The following WDR27 variants were observed in gnomAD, a reference collection of about 807,000 sequenced individuals.
The protein encoded by WDR27 is WD repeat domain 27, also known as WD repeat-containing protein 27.
Under a neutral mutation model 114.4 loss-of-function variants are expected in WDR27, and 100 were observed. That is an observed-to-expected ratio of 0.87 (90% CI 0.74 to 1.03). The LOEUF is 1.03. Among genes scored for constraint, WDR27 ranks in the 50% least tolerant of loss-of-function variants. The probability of loss-of-function intolerance (pLI) is 0.00; values close to 1 mark genes in which losing one functional copy is unlikely to be tolerated. For synonymous variants in WDR27, 449 were observed against 423.1 expected, an observed-to-expected ratio of 1.06 and a Z score of -0.75; for missense variants, 1,129 against 1,092.9, an observed-to-expected ratio of 1.03 and a Z score of -0.47.
At chr6:169,626,976 C>G (rs9371154) in intron 21 of WDR27, among the ~76,000 whole-genome samples, 14,232 of 152,184 alleles carry the variant, frequency 0.094, 1,725 homozygotes, top group East Asian at 0.58. Context: ...AGCAGCTGCC[C>G]TTCTCCTGAC....
chr6:169,505,522 C>T (rs746060176), intron 25 of WDR27, among the ~76,000 whole-genome samples: 3 of 54,744 alleles, frequency 5.5e-5, no homozygotes, highest in Non-Finnish European at 3.1e-4. Flanking sequence ...CCTAGGTTAT[C>T]TAACTTACTG....
intron 9 of WDR27, 87 bp downstream of exon 9, chr6:169,662,217 G>C (rs1316852292): frequency 6.7e-7 from 1 of 1,491,538 alleles, no homozygotes; most frequent in Non-Finnish European, 9.2e-7. Context: ...TTTTATCTCA[G>C]TCATTCTTAG....
At chr6:169,618,523 A>G (rs982689967) in intron 21 of WDR27, among the ~76,000 whole-genome samples, 1 of 151,748 alleles carries the variant, frequency 6.6e-6, no homozygotes, top group Non-Finnish European at 1.5e-5. Flanking sequence ...TGTTAATACA[A>G]TACTAAAATG....
chr6:169,649,624 C>T (rs1821721821), intron 14 of WDR27, among the ~76,000 whole-genome samples: 1 of 152,064 alleles, frequency 6.6e-6, no homozygotes, highest in African/African-American at 2.4e-5. Context: ...CACACAAAGC[C>T]TGACACTGAT....
chr6:169,491,791 G>T (rs965570180), intron 25 of WDR27, among the ~76,000 whole-genome samples: 8 of 152,128 alleles, frequency 5.3e-5, no homozygotes, highest in Non-Finnish European at 1.0e-4. Flanking sequence ...GTAGTTACAT[G>T]GCTAGATGTC....
intron 16 of WDR27, among the ~76,000 whole-genome samples, chr6:169,647,481 CAG>C (rs1308266720): frequency 6.6e-6 from 1 of 152,192 alleles, no homozygotes; most frequent in Admixed American, 6.5e-5. Flanking sequence ...GTCAGACAAA[CAG>C]AGCAAACCCC....
At chr6:169,524,954 CT>C (rs1794784047) in intron 25 of WDR27, among the ~76,000 whole-genome samples, 1 of 152,028 alleles carries the variant, frequency 6.6e-6, no homozygotes, top group Admixed American at 6.6e-5. Context: ...AGGTAGAAAG[CT>C]TTTGTACAGT....
chr6:169,574,523 C>T (rs747944359), intron 24 of WDR27, among the ~76,000 whole-genome samples: 7 of 152,190 alleles, frequency 4.6e-5, no homozygotes, highest in African/African-American at 7.2e-5. Context: ...CGGTGAGTGC[C>T]ACATCCGCCC....
chr6:169,518,528 G>T (rs2128060451), intron 25 of WDR27, among the ~76,000 whole-genome samples: 1 of 152,352 alleles, frequency 6.6e-6, no homozygotes, highest in East Asian at 1.9e-4. Context: ...GCTGGAGCTA[G>T]AATGGCCTAG....
At chr6:169,483,345 A>C (rs141359073) in intron 25 of WDR27, among the ~76,000 whole-genome samples, 276 of 152,346 alleles carry the variant, frequency 1.8e-3, no homozygotes, top group Non-Finnish European at 2.7e-3. Flanking sequence ...GGATGTTACC[A>C]CTAACACCAC....
intron 21 of WDR27, among the ~76,000 whole-genome samples, chr6:169,628,432 G>A (rs1815421174): frequency 6.6e-6 from 1 of 152,200 alleles, no homozygotes; most frequent in Non-Finnish European, 1.5e-5. Flanking sequence ...CGCTCTACCA[G>A]CAGGAACACA....
intron 25 of WDR27, among the ~76,000 whole-genome samples, chr6:169,510,643 A>C: frequency 1.0e-5 from 1 of 97,234 alleles, no homozygotes; most frequent in Non-Finnish European, 2.0e-5. Flanking sequence ...GGGTGGGGGG[A>C]GGGGGGAAGG....
At chr6:169,549,648 A>C (rs1797855393) in intron 25 of WDR27, among the ~76,000 whole-genome samples, 1 of 152,232 alleles carries the variant, frequency 6.6e-6, no homozygotes, top group Non-Finnish European at 1.5e-5. Context: ...TGAACTGATA[A>C]ATAAAACTGT....
intron 25 of WDR27, among the ~76,000 whole-genome samples, chr6:169,518,553 G>A (rs1793973574): frequency 6.6e-6 from 1 of 152,228 alleles, no homozygotes; most frequent in Admixed American, 6.5e-5. Flanking sequence ...AGGCAGCACT[G>A]TTCCAAGACT....
At chr6:169,429,823 C>T in the WDR27 span, among the ~76,000 whole-genome samples, 1 of 152,306 alleles carries the variant, frequency 6.6e-6, no homozygotes, top group South Asian at 2.1e-4. Context: ...TGCTGCTGGT[C>T]TGGGGACTAC....
intron 25 of WDR27, among the ~76,000 whole-genome samples, chr6:169,514,890 AATT>A (rs1286792942): frequency 4.6e-5 from 7 of 151,592 alleles, no homozygotes; most frequent in South Asian, 2.1e-4. Flanking sequence ...CAAAAATAAT[AATT>A]ACTTTTTATT....
chr6:169,547,915 C>CA lies in WDR27; in HGVS notation c.2645+24503dup, dbSNP rs533209620. Among the ~76,000 whole-genome samples the CA allele has an allele frequency of 3.5e-3, 452 of 130,116 alleles. 2 individuals are homozygous for CA. Among genetic ancestry groups the CA allele is most frequent in the Middle Eastern group, 3.8e-3 (1 of 260 alleles). 85.4% of individuals were successfully genotyped at this position (130,116 alleles called of 152,430 possible). On this transcript the variant is annotated intron_variant, in intron 25 of 25. Coordinates refer to ENST00000448612, the MANE Select transcript of WDR27 (RefSeq NM_182552.5). Reference sequence around the variant, plus strand: ...ACATAGAACATTTGAAAGAATTTACCAAAAAAAAAAAACCTTCTGGAACAA... The same window carrying CA: ...ACATAGAACATTTGAAAGAATTTACCAAAAAAAAAAAAACCTTCTGGAACAA...
intron 2 of WDR27, among the ~76,000 whole-genome samples, chr6:169,680,147 TAAATAA>T (rs1411863243): frequency 6.6e-6 from 1 of 152,158 alleles, no homozygotes; most frequent in Non-Finnish European, 1.5e-5. Flanking sequence ...AAACATATGT[TAAATAA>T]AATACTTCAG....
chr6:169,642,850 G>A (rs1409399199), intron 17 of WDR27, among the ~76,000 whole-genome samples: 1 of 152,198 alleles, frequency 6.6e-6, no homozygotes, highest in African/African-American at 2.4e-5. Context: ...GTGGTCACGC[G>A]ACAGGCTGTG....
Sources: allele counts gnomAD v4.1 joint callset (sites outside exome capture counted in the v4.1 genomes callset), GRCh38; gene constraint gnomAD v4.1.1; transcripts MANE v1.5; gene names NCBI Gene and HGNC (gene_info 2026-07-23, HGNC 2026-07-21).